CACNA1E: variants seen among roughly 807,000 people sequenced by gnomAD.
CACNA1E encodes calcium voltage-gated channel subunit alpha1 E, also known as voltage-dependent R-type calcium channel subunit alpha-1E.
Under a neutral mutation model 259.2 loss-of-function variants are expected in CACNA1E, and 40 were observed. The ratio of observed to expected loss-of-function variants is 0.15; its 90% CI spans 0.12 to 0.20. CACNA1E has a LOEUF of 0.20. CACNA1E is among the 10% of genes least tolerant of loss of function. CACNA1E has a pLI of 1.00. For missense variants in CACNA1E, 1,874 were observed against 3,040.1 expected (o/e 0.62, Z 9.02); for synonymous variants, 1,104 against 1,138.5 (o/e 0.97, Z 0.61).
chr1:181,614,891 T>G (rs538176277), intron 6 of CACNA1E, among the ~76,000 whole-genome samples: 3 of 152,318 alleles, frequency 2.0e-5, no homozygotes, highest in African/African-American at 4.8e-5. Context: ...GTCCAAATTT[T>G]TTTTCCAATA....
At position 181,806,333 on chromosome 1, in the gene CACNA1E, G is replaced by A. The variant is rs542218036; in HGVS notation, c.*7499G>A. 1.7e-3 allele frequency: 256 copies of A among 152,342 alleles called. 1 individual carries two copies. The highest frequency in any genetic ancestry group is 5.8e-3 in the African/African-American group (243 of 41,556). The allele number at this position is 152,342 out of a possible 1,614,324, so 9.4% of individuals were successfully genotyped here. ...CAAATAACAACATTGCAAGGAGGTG[G>A]ACTACAGGGTCCACACCCTCTGTCC... is the stretch of plus-strand genomic sequence containing the variant. On this transcript the variant is annotated 3_prime_UTR_variant, in exon 48 of 48. Coordinates refer to ENST00000367573, the MANE Select transcript of CACNA1E (RefSeq NM_001205293.3).
rs139880170 is a variant in CACNA1E, at chr1:181,666,735, C to T, written c.1055+15294C>T. Among the ~76,000 whole-genome samples, 462 of 151,330 alleles carry T rather than the reference C, an allele frequency of 3.1e-3. 4 individuals carry two copies. Among genetic ancestry groups the T allele is most frequent in the African/African-American group, 8.3e-3 (344 of 41,282 alleles). The stretch of plus-strand genomic sequence containing the variant: ...ATATATATATATACACACACACACA[C>T]GACATATATTGTGTATGTGTGTGTA... On this transcript the variant is annotated intron_variant, in intron 7 of 47. Transcript: ENST00000367573.
intron 1 of CACNA1E, among the ~76,000 whole-genome samples, chr1:181,489,145 G>A (rs1472193909): frequency 6.6e-6 from 1 of 152,110 alleles, no homozygotes; most frequent in South Asian, 2.1e-4. Flanking sequence ...GTCCATCAAT[G>A]GTGACTCTGC....
At chr1:181,468,771 G>A (rs1662310690) in intron 2 of CACNA1E, among the ~76,000 whole-genome samples, 2 of 152,124 alleles carry the variant, frequency 1.3e-5, no homozygotes, top group African/African-American at 4.8e-5. Flanking sequence ...TTTTTGGCAG[G>A]TGGCTATGGA....
At chr1:181,448,984 C>A (rs1351899578) in intron 2 of CACNA1E, among the ~76,000 whole-genome samples, 1 of 152,180 alleles carries the variant, frequency 6.6e-6, no homozygotes, top group Non-Finnish European at 1.5e-5. Context: ...CCAACTCAGT[C>A]ATAATGGGAG....
intron 1 of CACNA1E, among the ~76,000 whole-genome samples, chr1:181,351,825 C>A (rs1458518911): frequency 6.6e-6 from 1 of 152,218 alleles, no homozygotes. Context: ...GATAATCTCT[C>A]CATCTCAAGA....
intron 7 of CACNA1E, among the ~76,000 whole-genome samples, chr1:181,686,288 T>C (rs1025851538): frequency 7.6e-6 from 1 of 132,422 alleles, no homozygotes; most frequent in Non-Finnish European, 1.6e-5. Context: ...TTTTTTTTTT[T>C]TTTTTTTTTT....
intron 4 of CACNA1E, 104 bp downstream of exon 4, chr1:181,577,973 T>G: frequency 1.5e-6 from 1 of 679,086 alleles, no homozygotes. Context: ...ATATTCCTCC[T>G]GGGAGGAAGC....
intron 1 of CACNA1E, among the ~76,000 whole-genome samples, chr1:181,321,626 C>G (rs1197101701): frequency 1.3e-5 from 2 of 152,152 alleles, no homozygotes; most frequent in African/African-American, 4.8e-5. Flanking sequence ...CAGATCCTCT[C>G]TATCATAAAG....
intron 33 of CACNA1E, 133 bp downstream of exon 33, chr1:181,762,790 C>A: frequency 1.6e-6 from 1 of 637,528 alleles, no homozygotes. Flanking sequence ...GAATTTACTC[C>A]CTTGCTGCTT....
chr1:181,485,118 A>G lies in CACNA1E; in HGVS notation c.266+1108A>G, dbSNP rs1477620193. On this transcript the variant is annotated intron_variant, in intron 1 of 47. Coordinates refer to ENST00000367573, the MANE Select transcript of CACNA1E (RefSeq NM_001205293.3). The surrounding 1 kb of genome is among the most constrained non-coding windows in gnomAD (Gnocchi z 4.2). ...TAGTGGTCTGGCGTTAAATATGGGG[A>G]TGGGGTTGGAGACATGGGACTTTGG... Among the ~76,000 whole-genome samples, 1 of 152,136 alleles carries G rather than the reference A, an allele frequency of 6.6e-6. No homozygotes were observed. The highest frequency in any genetic ancestry group is 1.5e-5 in the Non-Finnish European group (1 of 68,008).
chr1:181,403,585 A>G (rs1435290056), intron 1 of CACNA1E, among the ~76,000 whole-genome samples: 1 of 152,138 alleles, frequency 6.6e-6, no homozygotes, highest in African/African-American at 2.4e-5. Flanking sequence ...ATGAACTACA[A>G]CCAAAAAACA....
intron 44 of CACNA1E, among the ~76,000 whole-genome samples, chr1:181,792,493 T>G (rs1661411656): frequency 6.6e-6 from 1 of 152,246 alleles, no homozygotes; most frequent in Non-Finnish European, 1.5e-5. Flanking sequence ...TTACCACGTC[T>G]GTCTGGAGTC....
At chr1:181,525,679 A>T (rs1478047573) in intron 3 of CACNA1E, among the ~76,000 whole-genome samples, 2 of 152,246 alleles carry the variant, frequency 1.3e-5, no homozygotes, top group African/African-American at 4.8e-5. Flanking sequence ...CTTAGCCTGC[A>T]CAAAGAAGGT....
intron 2 of CACNA1E, among the ~76,000 whole-genome samples, chr1:181,416,739 C>G (rs967309981): frequency 6.6e-6 from 1 of 152,146 alleles, no homozygotes; most frequent in African/African-American, 2.4e-5. Context: ...ACCATTACTC[C>G]CCTCTCCTGT....
At chr1:181,671,835 T>C (rs577840115) in intron 7 of CACNA1E, among the ~76,000 whole-genome samples, 1 of 152,306 alleles carries the variant, frequency 6.6e-6, no homozygotes, top group South Asian at 2.1e-4. Flanking sequence ...AAGGATGCCT[T>C]TGTGAGCTAA....
At chr1:181,525,187 G>A (rs1330127969) in intron 3 of CACNA1E, among the ~76,000 whole-genome samples, 2 of 152,210 alleles carry the variant, frequency 1.3e-5, no homozygotes, top group East Asian at 3.9e-4. Flanking sequence ...TGTGCAATCA[G>A]CTTTCTATCT....
At chr1:181,595,632 A>G (rs937890376) in intron 6 of CACNA1E, among the ~76,000 whole-genome samples, 1 of 152,116 alleles carries the variant, frequency 6.6e-6, no homozygotes, top group African/African-American at 2.4e-5. Context: ...CTCAGGGATC[A>G]TGCCACCTGC....
At chr1:181,318,346 C>T (rs1387238142) in intron 1 of CACNA1E, among the ~76,000 whole-genome samples, 4 of 152,252 alleles carry the variant, frequency 2.6e-5, no homozygotes, top group Admixed American at 6.5e-5. Flanking sequence ...CTGTCCGTTC[C>T]TTTGCAACTT....
Sources: allele counts gnomAD v4.1 joint callset (sites outside exome capture counted in the v4.1 genomes callset), GRCh38; gene constraint gnomAD v4.1.1; non-coding constraint Gnocchi (gnomAD v3.1); transcripts MANE v1.5; gene names NCBI Gene and HGNC (gene_info 2026-07-23, HGNC 2026-07-21).